ABHD5: variants seen among roughly 807,000 people sequenced by gnomAD.
The protein encoded by ABHD5 is abhydrolase domain containing 5, lysophosphatidic acid acyltransferase.
In ABHD5, 30 loss-of-function variants were observed where a neutral mutation model predicts 44.9. The observed-to-expected ratio is 0.67, with a 90% confidence interval of 0.50 to 0.91. ABHD5 has a LOEUF of 0.91. Ranked by LOEUF, ABHD5 falls within the 40% of genes least tolerant of loss-of-function variation. The pLI, the probability that ABHD5 is intolerant of heterozygous loss-of-function variation, is 0.00. For missense variants in ABHD5, 399 were observed against 423.4 expected (o/e 0.94, Z 0.50); for synonymous variants, 167 against 147.0 (o/e 1.14, Z -0.99).
intron 1 of ABHD5, 52 bp from the exon 2 acceptor site, chr3:43,699,224 G>C: frequency 1.4e-6 from 2 of 1,463,060 alleles, no homozygotes. Flanking sequence ...ACAATTGGTA[G>C]TTGAGAAGAG....
At chr3:43,713,124 C>T (rs1233468097) in intron 4 of ABHD5, among the ~76,000 whole-genome samples, 4 of 151,620 alleles carry the variant, frequency 2.6e-5, no homozygotes, top group Non-Finnish European at 4.4e-5. Flanking sequence ...GAGACAAGCC[C>T]GGCCAACATG....
At chr3:43,732,291 AG>A (rs1294983839) in intron 7 of ABHD5, among the ~76,000 whole-genome samples, 1 of 151,880 alleles carries the variant, frequency 6.6e-6, no homozygotes, top group Non-Finnish European at 1.5e-5. Flanking sequence ...ATTAGCCGGC[AG>A]GGTGGCACGT....
At chr3:43,729,367 A>T (rs2084898670) in intron 7 of ABHD5, among the ~76,000 whole-genome samples, 1 of 152,176 alleles carries the variant, frequency 6.6e-6, no homozygotes, top group Non-Finnish European at 1.5e-5. Context: ...GTGCCTTATA[A>T]GATTTTTGGA....
intron 4 of ABHD5, 106 bp downstream of exon 4, chr3:43,711,969 C>G (rs760984954): frequency 3.4e-6 from 5 of 1,488,626 alleles, no homozygotes; most frequent in Admixed American, 1.7e-5. Context: ...AACCCTGAAC[C>G]CTTACTTTTT....
intron 3 of ABHD5, among the ~76,000 whole-genome samples, chr3:43,710,087 T>C (rs1440383521): frequency 6.6e-6 from 1 of 152,064 alleles, no homozygotes; most frequent in African/African-American, 2.4e-5. Flanking sequence ...GGTCAAAATA[T>C]AAGAGTTAGT....
At chr3:43,711,962 C>A (rs532789192) in intron 4 of ABHD5, 99 bp downstream of exon 4, 7 of 1,520,870 alleles carry the variant, frequency 4.6e-6, no homozygotes, top group Admixed American at 1.7e-5. Context: ...ACAAGAAAAC[C>A]CTGAACCCTT....
chr3:43,699,428 C>A, intron 2 of ABHD5, 67 bp downstream of exon 2: 1 of 1,392,172 alleles, frequency 7.2e-7, no homozygotes, highest in Non-Finnish European at 1.0e-6. Flanking sequence ...TCTCATTGCC[C>A]TGAAACTGGA....
rs971739856 is a variant in ABHD5 at position 43,699,380 on chromosome 3, A to T, written c.133+19A>T. On this transcript the variant is annotated intron_variant, in intron 2 of 6. Transcript: ENST00000644371. ...TTAAAATGTAAGGCTTTCTTCTTGT[A>T]AGTTAAATGAGCTGTGTACTAAGAT... 81 of 1,592,466 alleles carry T rather than the reference A, an allele frequency of 5.1e-5. No homozygotes were observed. Among genetic ancestry groups the T allele is most frequent in the Non-Finnish European group, 7.0e-5 (81 of 1,160,778 alleles).
rs2084814823 is a variant in ABHD5 at position 43,720,031 on chromosome 3, A to G, written c.*1499A>G. 1 of 152,240 alleles carries G rather than the reference A, an allele frequency of 6.6e-6. No homozygotes were observed. Among genetic ancestry groups the G allele is most frequent in the Admixed American group, 6.5e-5 (1 of 15,286 alleles). The allele number at this position is 152,240 out of a possible 1,614,324, so 9.4% of individuals were successfully genotyped here. A position where few individuals can be genotyped will look rare whatever the true frequency, so the allele number is the denominator to read the frequency against. On this transcript the variant is annotated 3_prime_UTR_variant, in exon 7 of 7. Coordinates refer to ENST00000644371, the MANE Select transcript of ABHD5 (RefSeq NM_016006.6). ...TTCTCCCCTATAAAAGAATAGACAA[A>G]TTATACTGAAGCATGATATAAACAT...
intron 2 of ABHD5, 88 bp downstream of exon 2, chr3:43,699,449 T>C (rs2084513008): frequency 1.6e-6 from 2 of 1,234,932 alleles, no homozygotes; most frequent in African/African-American, 1.5e-5. Flanking sequence ...GGTAAGATTC[T>C]GTGGTGTGTT....
rs114312529 is a variant in ABHD5 at position 43,698,218 on chromosome 3, C to G, written c.48-1058C>G. ...CGCCTGGGAATCCTTATTATAACTT[C>G]TTTATCTCCAACCAGTTATCAAATC... is the stretch of plus-strand genomic sequence containing the variant. On this transcript the variant is annotated intron_variant, in intron 1 of 6. Coordinates refer to ENST00000644371, the MANE Select transcript of ABHD5 (RefSeq NM_016006.6). Among the ~76,000 whole-genome samples the G allele has an allele frequency of 3.7e-3, 569 of 152,236 alleles. 6 individuals carry two copies. Among genetic ancestry groups the G allele is most frequent in the African/African-American group, 0.013 (553 of 41,540 alleles).
chr3:43,712,634 T>G (rs999748915), intron 4 of ABHD5, among the ~76,000 whole-genome samples: 1 of 152,168 alleles, frequency 6.6e-6, no homozygotes, highest in Admixed American at 6.5e-5. Context: ...GAAGGACTTT[T>G]ATTATTTCCT....
At chr3:43,733,462 T>G (rs1314128473) in intron 7 of ABHD5, among the ~76,000 whole-genome samples, 3 of 152,232 alleles carry the variant, frequency 2.0e-5, no homozygotes, top group Non-Finnish European at 4.4e-5. Context: ...ATTAACAGGT[T>G]GTTTTTAATT....
At chr3:43,697,866 T>A (rs2084492776) in intron 1 of ABHD5, among the ~76,000 whole-genome samples, 1 of 152,220 alleles carries the variant, frequency 6.6e-6, no homozygotes, top group African/African-American at 2.4e-5. Flanking sequence ...GAATCAAACT[T>A]ACTTACTTAC....
chr3:43,703,284 ATTC>A (rs142832021), intron 3 of ABHD5, among the ~76,000 whole-genome samples: 4,162 of 151,952 alleles, frequency 0.027, 182 homozygotes, highest in African/African-American at 0.094. Context: ...GGCCCAAGCA[ATTC>A]TTCTGCCTCA....
At chr3:43,704,033 C>CTTTTTTTTTTTTTTTT (rs10544525) in intron 3 of ABHD5, among the ~76,000 whole-genome samples, 1 of 84,860 alleles carries the variant, frequency 1.2e-5, no homozygotes, top group Non-Finnish European at 2.2e-5. Context: ...TCTTTATTTT[C>CTTTTTTTTTTTTTTTT]TTTTTTTTTT....
chr3:43,710,090 G>A (rs1369283520), intron 3 of ABHD5, among the ~76,000 whole-genome samples: 1 of 152,010 alleles, frequency 6.6e-6, no homozygotes, highest in Non-Finnish European at 1.5e-5. Flanking sequence ...CAAAATATAA[G>A]AGTTAGTCTT....
At chr3:43,724,456 G>A (rs942449129), downstream of ABHD5, among the ~76,000 whole-genome samples, 2 of 152,146 alleles carry the variant, frequency 1.3e-5, no homozygotes, top group African/African-American at 4.8e-5. Flanking sequence ...CAGCAATTTT[G>A]TTTCCAGGTT....
In ABHD5 at chr3:43,694,007, A is replaced by G. The variant is rs78327066; in HGVS notation, c.47+2968A>G. Among the ~76,000 whole-genome samples the G allele has an allele frequency of 6.6e-5, 10 of 151,856 alleles. 1 individual carries two copies. The East Asian group carries it at 1.9e-3, about 30-fold the overall frequency. On this transcript the variant is annotated intron_variant, in intron 1 of 6. Coordinates refer to ENST00000644371, the MANE Select transcript of ABHD5 (RefSeq NM_016006.6). ...TACCTTCCTGCTCCTAAACTAAACG[A>G]TATAAAAAGCTTAGTTCTGGCCGGG... is the stretch of plus-strand genomic sequence containing the variant.
Sources: allele counts gnomAD v4.1 joint callset (sites outside exome capture counted in the v4.1 genomes callset), GRCh38; gene constraint gnomAD v4.1.1; transcripts MANE v1.5; gene names NCBI Gene and HGNC (gene_info 2026-07-23, HGNC 2026-07-21).